CORO1C: variants seen among roughly 807,000 people sequenced by gnomAD.
The protein encoded by CORO1C is coronin-1C.
In CORO1C, 14 loss-of-function variants were observed where a neutral mutation model predicts 51.2. The ratio of observed to expected loss-of-function variants is 0.27; its 90% CI spans 0.18 to 0.43. CORO1C has a LOEUF of 0.43. Among genes scored for constraint, CORO1C ranks in the 20% least tolerant of loss-of-function variants. The pLI is 1.00. For synonymous variants in CORO1C, 181 were observed against 210.5 expected, an observed-to-expected ratio of 0.86 and a Z score of 1.21; for missense variants, 417 against 607.8, an observed-to-expected ratio of 0.69 and a Z score of 3.30.
intron 1 of CORO1C, among the ~76,000 whole-genome samples, chr12:108,724,468 G>T (rs1202928844): frequency 6.6e-6 from 1 of 152,204 alleles, no homozygotes; most frequent in Non-Finnish European, 1.5e-5. Context: ...CTCCTCATCT[G>T]TAAAATGAGG....
At chr12:108,710,891 T>C (rs2035161812) in intron 1 of CORO1C, among the ~76,000 whole-genome samples, 1 of 152,162 alleles carries the variant, frequency 6.6e-6, no homozygotes. Context: ...TGGGTGAATA[T>C]TTTAACCAAG....
intron 1 of CORO1C, among the ~76,000 whole-genome samples, chr12:108,717,486 G>T (rs1421805672): frequency 1.3e-5 from 2 of 152,260 alleles, no homozygotes; most frequent in Non-Finnish European, 2.9e-5. Context: ...GGGAGCATCT[G>T]AAAGGATTCA....
At chr12:108,649,454 T>C (rs975423703) in intron 8 of CORO1C, 1 of 186,812 alleles carries the variant, frequency 5.4e-6, no homozygotes, top group Non-Finnish European at 1.1e-5. Context: ...GTTGAACATA[T>C]AAGTATAAAT....
At chr12:108,665,056 T>A (rs1253282950) in intron 3 of CORO1C, among the ~76,000 whole-genome samples, 1 of 152,176 alleles carries the variant, frequency 6.6e-6, no homozygotes, top group Non-Finnish European at 1.5e-5. Flanking sequence ...CGCCTCTGTG[T>A]CTCACTCTGA....
chr12:108,710,574 C>CT (rs1053299766), intron 1 of CORO1C, among the ~76,000 whole-genome samples: 27 of 141,466 alleles, frequency 1.9e-4, no homozygotes, highest in African/African-American at 3.6e-4. Context: ...TTTTTTTTTT[C>CT]TTTTTTTTTG....
chr12:108,660,451 C>CAAAAA (rs139334112), intron 4 of CORO1C, among the ~76,000 whole-genome samples: 5 of 87,476 alleles, frequency 5.7e-5, no homozygotes, highest in Non-Finnish European at 4.5e-5. Flanking sequence ...AACTCCATCT[C>CAAAAA]AAAAAAAAAA....
At chr12:108,661,451 T>C (rs1384056596) in intron 4 of CORO1C, among the ~76,000 whole-genome samples, 1 of 152,212 alleles carries the variant, frequency 6.6e-6, no homozygotes, top group Non-Finnish European at 1.5e-5. Flanking sequence ...ATAATTTATG[T>C]ATGTGCACAG....
chr12:108,694,384 G>C (rs988715171), intron 2 of CORO1C, among the ~76,000 whole-genome samples: 3 of 149,608 alleles, frequency 2.0e-5, no homozygotes, highest in African/African-American at 7.4e-5. Flanking sequence ...TTTTTCTAAA[G>C]TACTGTGTTA....
At chr12:108,716,019 T>C (rs565252184) in intron 1 of CORO1C, among the ~76,000 whole-genome samples, 3 of 149,018 alleles carry the variant, frequency 2.0e-5, no homozygotes, top group Non-Finnish European at 4.4e-5. Context: ...TAATCCCAGC[T>C]ACTCGGGAGG....
intron 1 of CORO1C, among the ~76,000 whole-genome samples, chr12:108,714,002 CAA>C (rs2035257484): frequency 6.6e-6 from 1 of 152,142 alleles, no homozygotes; most frequent in Non-Finnish European, 1.5e-5. Flanking sequence ...CTGAGACAAA[CAA>C]GAGGGTATCT....
In CORO1C at chr12:108,645,430, T is replaced by A. The variant is rs2032312557; in HGVS notation, c.*1973A>T. 1.3e-5 allele frequency: 2 copies of A among 152,190 alleles called. No individual in the cohort carries two copies. The allele number at this position is 152,190 out of a possible 1,614,324, so 9.4% of individuals were successfully genotyped here. ...CACCACCATCAACAACTTTACTTCATTAATTCGATATCAGAACCTTAAAAC... is the reference window on the plus strand; with the variant it reads ...CACCACCATCAACAACTTTACTTCAATAATTCGATATCAGAACCTTAAAAC... On this transcript the variant is annotated 3_prime_UTR_variant, in exon 11 of 11. Coordinates refer to ENST00000261401, the MANE Select transcript of CORO1C (RefSeq NM_014325.4).
intron 1 of CORO1C, among the ~76,000 whole-genome samples, chr12:108,711,311 A>C (rs2035173698): frequency 6.6e-6 from 1 of 152,156 alleles, no homozygotes; most frequent in Admixed American, 6.5e-5. Context: ...TCAAGGCTGC[A>C]GTGGGCCATG....
At chr12:108,676,771 CAAAAAA>C (rs770920855) in intron 3 of CORO1C, among the ~76,000 whole-genome samples, 3 of 120,688 alleles carry the variant, frequency 2.5e-5, no homozygotes, top group Non-Finnish European at 5.2e-5. Flanking sequence ...GACTCCATCC[CAAAAAA>C]AAAAAAAAAA....
intron 3 of CORO1C, among the ~76,000 whole-genome samples, chr12:108,662,472 T>G (rs1270004585): frequency 1.3e-5 from 2 of 152,260 alleles, no homozygotes; most frequent in East Asian, 3.9e-4. Flanking sequence ...CTCCCAAGTA[T>G]CGGCTGTTTT....
At position 108,645,819 on chromosome 12, in the gene CORO1C, G is replaced by A. The variant is rs1352835775; in HGVS notation, c.*1584C>T. Reference sequence around the variant, plus strand: ...AAGAATTCCCTTCGTGGTCCCAATGGCACTACACATTTCACGTTCAATCAC... The same window carrying A: ...AAGAATTCCCTTCGTGGTCCCAATGACACTACACATTTCACGTTCAATCAC... On this transcript the variant is annotated 3_prime_UTR_variant, in exon 11 of 11. Transcript: ENST00000261401. 6.6e-6 allele frequency: 1 copy of A among 152,234 alleles called. No homozygotes were observed. The highest frequency in any genetic ancestry group is 1.5e-5 in the Non-Finnish European group (1 of 68,056). 9.4% of individuals were successfully genotyped at this position (152,234 alleles called of 1,614,324 possible). A position where few individuals can be genotyped will look rare whatever the true frequency, so the allele number is the denominator to read the frequency against.
intron 1 of CORO1C, among the ~76,000 whole-genome samples, chr12:108,704,235 T>C (rs917652874): frequency 6.6e-6 from 1 of 152,166 alleles, no homozygotes; most frequent in African/African-American, 2.4e-5. Context: ...CCCAGCACTT[T>C]GGGAAGCTGA....
intron 6 of CORO1C, among the ~76,000 whole-genome samples, chr12:108,656,471 T>TG (rs1057129137): frequency 6.7e-6 from 1 of 149,352 alleles, no homozygotes; most frequent in East Asian, 2.0e-4. Context: ...ATCCGGGAGG[T>TG]GGGGGGCGCC....
At chr12:108,726,374 G>A (rs1384405726) in intron 1 of CORO1C, among the ~76,000 whole-genome samples, 2 of 150,940 alleles carry the variant, frequency 1.3e-5, no homozygotes, top group African/African-American at 4.9e-5. Flanking sequence ...AGCTGAGATC[G>A]TGCCACTGCA....
At chr12:108,655,880 A>C (rs1479096238) in intron 6 of CORO1C, among the ~76,000 whole-genome samples, 6 of 115,554 alleles carry the variant, frequency 5.2e-5, no homozygotes, top group East Asian at 2.6e-4. Flanking sequence ...CCGGCTGCCC[A>C]GTCTGGGAAG....
Sources: allele counts gnomAD v4.1 joint callset (sites outside exome capture counted in the v4.1 genomes callset), GRCh38; gene constraint gnomAD v4.1.1; transcripts MANE v1.5; gene names NCBI Gene and HGNC (gene_info 2026-07-23, HGNC 2026-07-21).